The following MID1 variants were observed in gnomAD, a reference collection of about 807,000 sequenced individuals.
MID1 encodes the protein midline 1.
In MID1, 7 loss-of-function variants were observed where a neutral mutation model predicts 40.4. The ratio of observed to expected loss-of-function variants is 0.17; its 90% CI spans 0.10 to 0.33. MID1 has a LOEUF of 0.33. Among genes scored for constraint, MID1 ranks in the 10% least tolerant of loss-of-function variants. MID1 has a pLI of 1.00. For synonymous variants in MID1, 229 were observed against 221.2 expected, an observed-to-expected ratio of 1.04 and a Z score of -0.31; for missense variants, 367 against 558.5, an observed-to-expected ratio of 0.66 and a Z score of 3.46.
At chrX:10,602,532 G>A (rs776444303) in intron 1 of MID1, among the ~76,000 whole-genome samples, 4 of 110,852 alleles carry the variant, frequency 3.6e-5, no homozygotes, top group Non-Finnish European at 7.5e-5. Flanking sequence ...CTATGAATTT[G>A]CCTCTTCTGG....
chrX:10,779,025 G>C (rs1367664543), intron 1 of MID1, among the ~76,000 whole-genome samples: 1 of 112,744 alleles, frequency 8.9e-6, no homozygotes, highest in African/African-American at 3.2e-5. Flanking sequence ...ATAGGTCATG[G>C]CAGATGCCAA....
At chrX:10,759,536 C>T (rs1051419810) in intron 1 of MID1, among the ~76,000 whole-genome samples, 4 of 110,927 alleles carry the variant, frequency 3.6e-5, no homozygotes, top group Non-Finnish European at 5.7e-5. Flanking sequence ...GATGCTTCTT[C>T]CTCTGCTCAC....
chrX:10,485,223 C>T (rs1930555650), intron 4 of MID1, among the ~76,000 whole-genome samples: 1 of 111,999 alleles, frequency 8.9e-6, no homozygotes, highest in Non-Finnish European at 1.9e-5. Flanking sequence ...ACAGAAAAGT[C>T]GGCTAACCCC....
intron 1 of MID1, among the ~76,000 whole-genome samples, chrX:10,832,003 C>T (rs187333975): frequency 8.9e-6 from 1 of 112,423 alleles, no homozygotes; most frequent in East Asian, 2.8e-4. Flanking sequence ...TGTTTTGTGT[C>T]TCCTGGGTTG....
intron 1 of MID1, among the ~76,000 whole-genome samples, chrX:10,763,183 C>A (rs1369026472): frequency 6.7e-5 from 7 of 104,116 alleles, no homozygotes; most frequent in African/African-American, 1.8e-4. Flanking sequence ...TTTTATTATA[C>A]TTTAAGTTCT....
rs990263074 is a variant in MID1, at chrX:10,486,067, A to G, written c.865-3439T>C. On this transcript the variant is annotated intron_variant, in intron 4 of 9. Transcript: ENST00000317552. ...GAAAAAAAGAAGAAAATTCTTTTCCAGGGAGCCTCATGGCTTAAGACTCTC... is the reference window on the plus strand; with the variant it reads ...GAAAAAAAGAAGAAAATTCTTTTCCGGGGAGCCTCATGGCTTAAGACTCTC... Among the ~76,000 whole-genome samples the G allele has an allele frequency of 3.6e-5, 4 of 111,832 alleles. No individual in the cohort carries two copies. The Admixed American group carries it at 3.8e-4, about 11-fold the overall frequency.
At chrX:10,540,025 A>AC (rs1933408231) in intron 2 of MID1, among the ~76,000 whole-genome samples, 1 of 111,811 alleles carries the variant, frequency 8.9e-6, no homozygotes, top group African/African-American at 3.2e-5. Flanking sequence ...ACATGGTGAA[A>AC]CCCCATCTCT....
intron 1 of MID1, among the ~76,000 whole-genome samples, chrX:10,603,101 T>C (rs1026866805): frequency 6.2e-5 from 7 of 112,524 alleles, no homozygotes; most frequent in African/African-American, 1.9e-4. Flanking sequence ...TCCAAGTACC[T>C]GGAAAAAGCT....
At chrX:10,666,640 C>A (rs1383553488) in intron 1 of MID1, among the ~76,000 whole-genome samples, 3 of 110,994 alleles carry the variant, frequency 2.7e-5, no homozygotes, top group Non-Finnish European at 3.8e-5. Context: ...GTTCTGAGCA[C>A]AATTAAAGGG....
At chrX:10,472,831 A>C (rs1488164231) in intron 6 of MID1, among the ~76,000 whole-genome samples, 2 of 112,264 alleles carry the variant, frequency 1.8e-5, no homozygotes, top group African/African-American at 6.5e-5. Flanking sequence ...GAAAAAAGAA[A>C]GAGCCTGGGG....
intron 1 of MID1, among the ~76,000 whole-genome samples, chrX:10,736,575 T>C (rs953184347): frequency 8.9e-6 from 1 of 112,192 alleles, no homozygotes; most frequent in Admixed American, 9.4e-5. Context: ...CTTGGATACA[T>C]GGCAGGCATT....
chrX:10,566,897 G>A lies in MID1; in HGVS notation c.651C>T (p.Asp217=). Residue 217 remains aspartate (D), a synonymous_variant, in exon 2 of 10, where the codon GAC becomes GAT. Transcript: ENST00000317552. The stretch of plus-strand genomic sequence containing the variant: ...GGCGGATCGGACTAACCTTCAATTT[G>A]TCATAGCGCTCACTCAAAGCTGCCA... ...HQVAALSERY[D]KLKQNLESNL... The A allele has an allele frequency of 8.3e-7, 1 of 1,211,272 alleles. No homozygotes were observed. The highest frequency in any genetic ancestry group is 1.1e-6 in the Non-Finnish European group (1 of 895,294).
intron 4 of MID1, 103 bp from the exon 5 acceptor site, chrX:10,482,731 A>G (rs1270539302): frequency 1.2e-6 from 1 of 856,461 alleles, no homozygotes; most frequent in Non-Finnish European, 1.7e-6. Context: ...TCCTTCCATA[A>G]AAGTTCAAAA....
chrX:10,782,713 A>T (rs913805522), intron 1 of MID1, among the ~76,000 whole-genome samples: 1 of 112,473 alleles, frequency 8.9e-6, no homozygotes, highest in Non-Finnish European at 1.9e-5. Context: ...AAAATTTTGT[A>T]GCTTTTAAAA....
chrX:10,573,383 C>T (rs1033037754), intron 1 of MID1, among the ~76,000 whole-genome samples: 47 of 111,977 alleles, frequency 4.2e-4, no homozygotes, highest in African/African-American at 1.5e-3. Flanking sequence ...AGAGAAGGAA[C>T]TTTGCTTTAT....
chrX:10,792,464 A>G (rs140351382), intron 1 of MID1, among the ~76,000 whole-genome samples: 57 of 112,536 alleles, frequency 5.1e-4, no homozygotes, highest in Non-Finnish European at 9.4e-4. Context: ...CCGAACACAT[A>G]TTCTCCCTTG....
chrX:10,769,502 G>A (rs1288672756), intron 1 of MID1, among the ~76,000 whole-genome samples: 1 of 111,865 alleles, frequency 8.9e-6, no homozygotes, highest in Non-Finnish European at 1.9e-5. Flanking sequence ...ACACAGAGAT[G>A]GCAAAGCTCC....
intron 1 of MID1, chrX:10,576,750 A>G (rs1934880972): frequency 9.0e-6 from 1 of 111,233 alleles, no homozygotes. Context: ...GCACCTCTCT[A>G]GATTCTGACA....
At chrX:10,588,542 A>G (rs1000675169) in intron 1 of MID1, among the ~76,000 whole-genome samples, 2 of 110,545 alleles carry the variant, frequency 1.8e-5, no homozygotes, top group Non-Finnish European at 1.9e-5. Flanking sequence ...TTTTAAAGGA[A>G]TAGGGTATAC....
Sources: gnomAD v4.1 joint callset for allele counts (sites outside exome capture counted in the v4.1 genomes callset) on GRCh38, gnomAD v4.1.1 for gene constraint, MANE v1.5 for transcripts, NCBI Gene and HGNC (gene_info 2026-07-23, HGNC 2026-07-21) for gene names.